Variants in MAMDC4 observed in about 807,000 individuals in gnomAD.
MAMDC4 encodes the protein MAM domain containing 4.
MAMDC4 carries 168 observed loss-of-function variants against 153.3 expected under a neutral mutation model. That is an observed-to-expected ratio of 1.10 (90% CI 0.97 to 1.25). The LOEUF is 1.25. Among genes scored for constraint, MAMDC4 ranks in the 50% most tolerant of loss-of-function variants. The pLI is 0.00. For synonymous variants in MAMDC4, 744 were observed against 651.5 expected (o/e 1.14, Z -2.16); for missense variants, 1,701 against 1,542.8 (o/e 1.10, Z -1.72).
rs767519388 is a variant in MAMDC4 at position 136,857,650 on chromosome 9, C to T, written c.2327-9C>T. 1.2e-6 allele frequency: 2 copies of T among 1,612,356 alleles called. No individual in the cohort carries two copies. Among genetic ancestry groups the T allele is most frequent in the Non-Finnish European group, 1.7e-6 (2 of 1,179,826 alleles). ...CCAGGGGCTGGCAGGCTGATGCTGG[C>T]ACCTCCAGGGCACTACATGGTGGTG... On this transcript the variant is annotated splice_polypyrimidine_tract_variant and intron_variant, in intron 18 of 26. Coordinates refer to ENST00000317446, the MANE Select transcript of MAMDC4 (RefSeq NM_206920.3).
At chr9:136,854,437 G>T in intron 7 of MAMDC4, 101 bp downstream of exon 7, 1 of 1,507,030 alleles carries the variant, frequency 6.6e-7, no homozygotes, top group Non-Finnish European at 8.9e-7. Flanking sequence ...TCCTTGGATG[G>T]TCCTTCTTGG....
chr9:136,858,641 C>T (rs1263847393), intron 22 of MAMDC4, 78 bp from the exon 23 acceptor site: 1 of 1,596,856 alleles, frequency 6.3e-7, no homozygotes, highest in African/African-American at 1.4e-5. Context: ...AGAGGAGGCC[C>T]TGCTCACCGA....
chr9:136,854,507 G>A, intron 7 of MAMDC4, 32 bp from the exon 8 acceptor site: 2 of 1,584,352 alleles, frequency 1.3e-6, no homozygotes, highest in Non-Finnish European at 1.7e-6. Flanking sequence ...AGCACTGCCT[G>A]GTGGCCCTGA....
At chr9:136,859,733 C>G (rs1849058728) in intron 25 of MAMDC4, 153 bp from the exon 26 acceptor site, 1 of 748,938 alleles carries the variant, frequency 1.3e-6, no homozygotes, top group African/African-American at 1.8e-5. Flanking sequence ...AGGCCCCATC[C>G]TTGTGGTAGC....
At chr9:136,857,615 G>A (rs1554774496) in intron 18 of MAMDC4, 29 bp downstream of exon 18, 3 of 1,612,492 alleles carry the variant, frequency 1.9e-6, no homozygotes, top group African/African-American at 2.7e-5. Context: ...GGCAGGGATT[G>A]AGGGGCTGGC....
chr9:136,859,489 C>G, intron 25 of MAMDC4, 172 bp downstream of exon 25: 2 of 675,606 alleles, frequency 3.0e-6, no homozygotes, highest in Non-Finnish European at 4.9e-6. Flanking sequence ...CTGCCCTGCT[C>G]ACCCCTGGGG....
intron 14 of MAMDC4, 136 bp from the exon 15 acceptor site, chr9:136,856,574 A>G (rs1564387369): frequency 1.2e-6 from 1 of 854,220 alleles, no homozygotes; most frequent in Middle Eastern, 2.2e-4. Flanking sequence ...AGAGAGACAG[A>G]GGTTCCTGCT....
chr9:136,853,000 C>G (rs375137109), intron 1 of MAMDC4, 102 bp from the exon 2 acceptor site: 10 of 963,992 alleles, frequency 1.0e-5, no homozygotes, highest in Non-Finnish European at 1.6e-5. Flanking sequence ...GAGGGGCATC[C>G]CCGGACAAAA....
Position 136,857,906 on chromosome 9 carries a change from G to C in MAMDC4, c.2465-73G>C, listed in dbSNP as rs983771851. On this transcript the variant is annotated intron_variant, in intron 19 of 26. Coordinates refer to ENST00000317446, the MANE Select transcript of MAMDC4 (RefSeq NM_206920.3). ...GAGCCTCTTGCGCCCGCCAGGCTGG[G>C]AGCCTGGGAGCTCAGACCAGGGCCT... is the stretch of plus-strand genomic sequence containing the variant. The C allele has an allele frequency of 2.2e-5, 33 of 1,473,268 alleles. No homozygotes were observed. In the Admixed American group the frequency reaches 7.5e-4, roughly 34 times the overall value. The allele number at this position is 1,473,268 out of a possible 1,614,324, so 91.3% of individuals were successfully genotyped here.
Position 136,856,807 on chromosome 9 carries a change from C to G in MAMDC4, c.1818C>G (p.His606Gln). The change falls in exon 15 of 27, where the codon CAC becomes CAG. Residue 606 changes from histidine to glutamine, a missense_variant. His to Gln is a conservative substitution (Grantham distance 24). Coordinates refer to ENST00000317446, the MANE Select transcript of MAMDC4 (RefSeq NM_206920.3). Reference sequence around the variant, plus strand: ...GGGTGGAGAGCCGCGGCCCTGACCACGACCACACCACAGGCCAAGGTAGGA... The same window carrying G: ...GGGTGGAGAGCCGCGGCCCTGACCAGGACCACACCACAGGCCAAGGTAGGA... ...WRWVESRGPD[H>Q]DHTTGQGHFV... The G allele has an allele frequency of 6.2e-7, 1 of 1,611,892 alleles. No homozygotes were observed. Among genetic ancestry groups the G allele is most frequent in the South Asian group, 1.1e-5 (1 of 90,904 alleles).
Position 136,856,189 on chromosome 9 carries a change from G to A in MAMDC4, c.1720+40G>A, listed in dbSNP as rs1849001713. 3.1e-6 allele frequency: 5 copies of A among 1,611,630 alleles called. No homozygotes were observed. The Admixed American group carries it at 5.0e-5, about 16-fold the overall frequency. On this transcript the variant is annotated intron_variant, in intron 14 of 26. Transcript: ENST00000317446. ...CGCAAGTTCCCTGGCCAGCCCCTGG[G>A]TGCTCCCTGCACAGTGGGAGGGGTC...
rs1848963423 is a variant in MAMDC4, at chr9:136,853,838, CACAGGG to C, written c.517_522del (p.Thr173_Gly174del). On this transcript the variant is annotated inframe_deletion, in exon 5 of 27. Coordinates refer to ENST00000317446, the MANE Select transcript of MAMDC4 (RefSeq NM_206920.3). ...CAGAGACCCTGACCCTGTGGCAGAG[CACAGGG>C]CCCTGGGGCCCTGGCTGGCAGGAGT... 6.4e-7 allele frequency: 1 copy of C among 1,560,950 alleles called. No homozygotes were observed.
chr9:136,856,116 C>A lies in MAMDC4; in HGVS notation c.1687C>A (p.His563Asn), dbSNP rs755821386. Residue 563 changes from histidine (H) to asparagine (N), a missense_variant, in exon 14 of 27, where the codon CAC (histidine) becomes AAC (asparagine). His to Asn is a moderately conservative substitution (Grantham distance 68). Coordinates refer to ENST00000317446, the MANE Select transcript of MAMDC4 (RefSeq NM_206920.3). ...CCCTTCTGGCCCCAGCTGTGAACTC[C>A]ACCTGGCTTATTATTTACAGAGCCA... ...LGPSGPSCEL[H>N]LAYYLQSQPR... 1 of 1,612,508 alleles carries A rather than the reference C, an allele frequency of 6.2e-7. No homozygotes were observed. Among genetic ancestry groups the A allele is most frequent in the Non-Finnish European group, 8.5e-7 (1 of 1,179,904 alleles).
In MAMDC4 at chr9:136,857,968, C is replaced by T. The variant is rs760505709; in HGVS notation, c.2465-11C>T. On this transcript the variant is annotated splice_polypyrimidine_tract_variant and intron_variant, in intron 19 of 26. Coordinates refer to ENST00000317446, the MANE Select transcript of MAMDC4 (RefSeq NM_206920.3). ...CCCCACACTGCTGACCTGGGCCGCC[C>T]CTGCTGGCAGGCACCCTGCGGGTCT... is the stretch of plus-strand genomic sequence containing the variant. The T allele has an allele frequency of 6.7e-7, 1 of 1,499,024 alleles. No homozygotes were observed. Among genetic ancestry groups the T allele is most frequent in the African/African-American group, 1.4e-5 (1 of 71,386 alleles). The allele number at this position is 1,499,024 out of a possible 1,614,324, so 92.9% of individuals were successfully genotyped here. A position where few individuals can be genotyped will look rare whatever the true frequency, so the allele number is the denominator to read the frequency against.
chr9:136,859,442 G>T, intron 25 of MAMDC4, 125 bp downstream of exon 25: 1 of 880,118 alleles, frequency 1.1e-6, no homozygotes, highest in Non-Finnish European at 1.7e-6. Flanking sequence ...GACAGGACAA[G>T]AGAGCTGCCA....
At chr9:136,856,633 C>T in intron 14 of MAMDC4, 77 bp from the exon 15 acceptor site, 3 of 1,416,206 alleles carry the variant, frequency 2.1e-6, no homozygotes, top group South Asian at 1.2e-5. Flanking sequence ...CCTCCAGGGA[C>T]CCCGGAGCTT....
intron 10 of MAMDC4, 49 bp downstream of exon 10, chr9:136,855,159 G>T: frequency 6.4e-7 from 1 of 1,568,106 alleles, no homozygotes; most frequent in East Asian, 2.3e-5. Context: ...CTGTGGGCAG[G>T]GGAGGGGAAC....
chr9:136,857,759 T>C lies in MAMDC4; in HGVS notation c.2427T>C (p.Cys809=). ...KEHRPLAQPA[C]LTFWYHGSLR... Reference sequence around the variant, plus strand: ...ACAGGCCCCTGGCCCAGCCTGCTTGTCTGACCTTCTGGTACCACGGGAGCC... The same window carrying C: ...ACAGGCCCCTGGCCCAGCCTGCTTGCCTGACCTTCTGGTACCACGGGAGCC... The change falls in exon 19 of 27, where the codon TGT becomes TGC. Residue 809 remains cysteine (C), a synonymous_variant. Transcript: ENST00000317446. The C allele has an allele frequency of 6.2e-7, 1 of 1,612,608 alleles. No homozygotes were observed. The highest frequency in any genetic ancestry group is 1.1e-5 in the South Asian group (1 of 91,074).
In MAMDC4 at chr9:136,854,303, G is replaced by A. The variant is rs756007411; in HGVS notation, c.763G>A (p.Gly255Arg). ...QQLCDGEDNC[G>R]DLSDENPLTC... is the part of the protein sequence containing the mutation. ...GCTGTGCGACGGGGAAGACAACTGC[G>A]GGGACCTGTCTGATGAGAACCCACT... Residue 255 changes from glycine (G) to arginine (R), a missense_variant, in exon 7 of 27, where the codon GGG (glycine) becomes AGG (arginine). Coordinates refer to ENST00000317446, the MANE Select transcript of MAMDC4 (RefSeq NM_206920.3). 141 of 1,596,514 alleles carry A rather than the reference G, an allele frequency of 8.8e-5. 1 individual carries two copies. In the East Asian group the frequency reaches 1.1e-3, roughly 13 times the overall value.
Sources: allele counts gnomAD v4.1 joint callset, GRCh38; gene constraint gnomAD v4.1.1; transcripts MANE v1.5; gene names NCBI Gene and HGNC (gene_info 2026-07-23, HGNC 2026-07-21).